Variants in CALN1 observed in about 807,000 individuals in gnomAD.
CALN1 encodes calneuron 1, also known as calcium-binding protein 8.
CALN1 carries 17 observed loss-of-function variants against 30.6 expected under a neutral mutation model. The ratio of observed to expected loss-of-function variants is 0.56; its 90% CI spans 0.38 to 0.83. The LOEUF is 0.83. CALN1 is among the 40% of genes least tolerant of loss of function. The pLI is 0.00. For missense variants in CALN1, 291 were observed against 354.9 expected, an observed-to-expected ratio of 0.82 and a Z score of 1.45; for synonymous variants, 156 against 131.4, an observed-to-expected ratio of 1.19 and a Z score of -1.28.
At chr7:72,074,323 T>C (rs902938405) in intron 4 of CALN1, among the ~76,000 whole-genome samples, 4 of 152,202 alleles carry the variant, frequency 2.6e-5, no homozygotes, top group Admixed American at 1.3e-4. Flanking sequence ...GGAAACACAG[T>C]GCCCTAGTCA....
At chr7:72,487,899 A>G in the CALN1 span, among the ~76,000 whole-genome samples, 1 of 83,866 alleles carries the variant, frequency 1.2e-5, no homozygotes, top group African/African-American at 5.8e-5. Context: ...GAAAAGAAAG[A>G]AAGAAAGAAA....
chr7:72,285,372 T>G (rs548601010), intron 2 of CALN1, among the ~76,000 whole-genome samples: 1 of 152,210 alleles, frequency 6.6e-6, no homozygotes, highest in Non-Finnish European at 1.5e-5. Context: ...GCCTCCCAAG[T>G]AGCTGGGATT....
chr7:71,838,231 G>C (rs188810689), intron 5 of CALN1, among the ~76,000 whole-genome samples: 207 of 152,294 alleles, frequency 1.4e-3, no homozygotes, highest in Non-Finnish European at 2.4e-3. Flanking sequence ...ATGAAAAAAT[G>C]AAAAATGCCT....
At chr7:71,821,784 CTTTCTTTTTT>C (rs1430395486) in intron 5 of CALN1, among the ~76,000 whole-genome samples, 1 of 144,456 alleles carries the variant, frequency 6.9e-6, no homozygotes, top group East Asian at 2.1e-4. Flanking sequence ...CTAAATGTTT[CTTTCTTTTTT>C]TTTTTTTTTT....
At position 72,426,765 on chromosome 7, in the gene CALN1, A is replaced by G. The variant is rs1236792006; in HGVS notation, c.-225-14490T>C. 2.0e-5 allele frequency among the ~76,000 whole-genome samples: 3 copies of G among 152,296 alleles called. No individual in the cohort carries two copies. The East Asian group carries it at 5.8e-4, about 29-fold the overall frequency. On this transcript the variant is annotated intron_variant, in intron 1 of 6. Transcript: ENST00000395276. ...GAGTGGTCTCTTAGGAAGCACTTCT[A>G]TCAACCTCACTTGAGTCTTTGGTTC...
intron 5 of CALN1, among the ~76,000 whole-genome samples, chr7:71,935,909 T>G (rs1795805206): frequency 2.0e-5 from 3 of 152,182 alleles, no homozygotes; most frequent in Admixed American, 2.0e-4. Context: ...CAGCTTTTGC[T>G]TTTAGCTAAA....
intron 3 of CALN1, among the ~76,000 whole-genome samples, chr7:72,197,017 TTAAGAATGGATGCACTTAAAAC>T (rs1791063787): frequency 6.6e-6 from 1 of 152,120 alleles, no homozygotes. Context: ...TTTATTTTCT[TTAAGAATGGATGCACTTAAAAC>T]TATGAAATTT....
Position 71,920,175 on chromosome 7 carries a change from T to C in CALN1, c.501+103482A>G, listed in dbSNP as rs565860195. Among the ~76,000 whole-genome samples, 28 of 152,256 alleles carry C rather than the reference T, an allele frequency of 1.8e-4. No homozygotes were observed. The South Asian group carries it at 4.8e-3, about 26-fold the overall frequency. ...CAGAATGAGATCCAAGGAAGAGTTT[T>C]GGAAACACCGGTCTGTATCTGTAAC... On this transcript the variant is annotated intron_variant, in intron 5 of 6. Transcript: ENST00000395275.
intron 2 of CALN1, among the ~76,000 whole-genome samples, chr7:72,345,228 G>T (rs1300785367): frequency 1.3e-5 from 2 of 150,288 alleles, no homozygotes; most frequent in African/African-American, 4.9e-5. Context: ...GAAAGTGGAG[G>T]CGTCATTGTG....
At chr7:71,804,814 T>A (rs1787512148) in intron 6 of CALN1, among the ~76,000 whole-genome samples, 1 of 151,998 alleles carries the variant, frequency 6.6e-6, no homozygotes, top group Non-Finnish European at 1.5e-5. Context: ...ATACAAAAAT[T>A]ATCAGGACGT....
At chr7:72,268,313 C>G (rs1341117882) in intron 3 of CALN1, among the ~76,000 whole-genome samples, 1 of 151,782 alleles carries the variant, frequency 6.6e-6, no homozygotes, top group African/African-American at 2.4e-5. Flanking sequence ...GGAGGGTAAG[C>G]AGGGAGTTGA....
intron 5 of CALN1, among the ~76,000 whole-genome samples, chr7:71,947,140 A>G (rs182337905): frequency 1.1e-4 from 17 of 152,192 alleles, no homozygotes; most frequent in African/African-American, 3.4e-4. Context: ...CCTCCCGAGT[A>G]GCTAGGATTA....
intron 5 of CALN1, among the ~76,000 whole-genome samples, chr7:71,833,047 C>T (rs530502408): frequency 6.6e-6 from 1 of 152,282 alleles, no homozygotes; most frequent in Admixed American, 6.5e-5. Flanking sequence ...TTTGCCTAGT[C>T]TTTCTGTCTG....
chr7:72,028,178 T>C (rs1047165945), intron 4 of CALN1, among the ~76,000 whole-genome samples: 3 of 151,878 alleles, frequency 2.0e-5, no homozygotes, highest in African/African-American at 7.3e-5. Context: ...CCTCATAGTT[T>C]ACGAGATGTG....
intron 5 of CALN1, among the ~76,000 whole-genome samples, chr7:71,944,301 T>A (rs1430330086): frequency 1.3e-5 from 2 of 151,464 alleles, no homozygotes; most frequent in African/African-American, 2.4e-5. Flanking sequence ...AACAAAAAAA[T>A]AAGAAAACAA....
intron 1 of CALN1, among the ~76,000 whole-genome samples, chr7:72,433,667 A>C (rs894225978): frequency 1.3e-5 from 2 of 152,134 alleles, no homozygotes; most frequent in Non-Finnish European, 2.9e-5. Context: ...AGGTGAATTT[A>C]CAATCTAGCT....
intron 5 of CALN1, among the ~76,000 whole-genome samples, chr7:71,933,382 C>T (rs532851275): frequency 2.2e-4 from 33 of 152,248 alleles, no homozygotes; most frequent in African/African-American, 7.5e-4. Flanking sequence ...TGAACGCCGC[C>T]GCCGGCTGGT....
intron 2 of CALN1, among the ~76,000 whole-genome samples, chr7:72,349,938 A>G (rs768650444): frequency 1.3e-5 from 2 of 152,132 alleles, no homozygotes; most frequent in African/African-American, 4.8e-5. Flanking sequence ...CTTTAGTTGA[A>G]TTAGGTCCCA....
At chr7:72,272,536 T>C (rs1305979336) in intron 3 of CALN1, among the ~76,000 whole-genome samples, 1 of 151,934 alleles carries the variant, frequency 6.6e-6, no homozygotes, top group Non-Finnish European at 1.5e-5. Context: ...CACTCCAGCC[T>C]AGGCGACAGA....
Sources: allele counts gnomAD v4.1 joint callset (sites outside exome capture counted in the v4.1 genomes callset), GRCh38; gene constraint gnomAD v4.1.1; transcripts MANE v1.5; gene names NCBI Gene and HGNC (gene_info 2026-07-23, HGNC 2026-07-21).